The following CDH13 variants were observed in gnomAD, a reference collection of about 807,000 sequenced individuals.
CDH13 encodes the protein cadherin 13.
CDH13 carries 24 observed loss-of-function variants against 63.8 expected under a neutral mutation model. The ratio of observed to expected loss-of-function variants is 0.38; its 90% CI spans 0.27 to 0.53. The LOEUF is 0.53. Among genes scored for constraint, CDH13 ranks in the 20% least tolerant of loss-of-function variants. The pLI is 0.85. For missense variants in CDH13, 1,049 were observed against 903.1 expected (o/e 1.16, Z -2.07); for synonymous variants, 503 against 355.3 (o/e 1.42, Z -4.67).
Position 82,644,315 on chromosome 16 carries a change from C to G in CDH13, c.45+17178C>G, listed in dbSNP as rs968060819. Among the ~76,000 whole-genome samples the G allele has an allele frequency of 4.6e-5, 7 of 152,200 alleles. No homozygotes were observed. Among genetic ancestry groups the G allele is most frequent in the South Asian group, 4.2e-4 (2 of 4,812 alleles). On this transcript the variant is annotated intron_variant, in intron 1 of 13. Transcript: ENST00000567109. This position sits in a 1 kb window ranked among gnomAD's most constrained non-coding sequence, Gnocchi z 5.7. ...TCATCACTCTGCAAATCAAGGCCCCCCGAACTCCTCCCACCCCTGCCTTCT... is the reference window on the plus strand; with the variant it reads ...TCATCACTCTGCAAATCAAGGCCCCGCGAACTCCTCCCACCCCTGCCTTCT...
intron 1 of CDH13, among the ~76,000 whole-genome samples, chr16:82,733,391 C>G (rs539084386): frequency 6.6e-6 from 1 of 152,102 alleles, no homozygotes; most frequent in Non-Finnish European, 1.5e-5. Flanking sequence ...ATCAAATGAT[C>G]TATTGCGTGT....
chr16:83,709,484 G>A (rs1360414624), intron 10 of CDH13, among the ~76,000 whole-genome samples: 1 of 152,208 alleles, frequency 6.6e-6, no homozygotes, highest in African/African-American at 2.4e-5. Context: ...TGCACCATTT[G>A]AGAAACACGG....
At chr16:83,704,138 C>A (rs868742564) in intron 10 of CDH13, among the ~76,000 whole-genome samples, 1 of 152,128 alleles carries the variant, frequency 6.6e-6, no homozygotes, top group Non-Finnish European at 1.5e-5. Flanking sequence ...AAGTGGTTTC[C>A]CTTTTCACCT....
At chr16:82,686,000 A>G (rs1387778872) in intron 1 of CDH13, among the ~76,000 whole-genome samples, 1 of 152,202 alleles carries the variant, frequency 6.6e-6, no homozygotes, top group Non-Finnish European at 1.5e-5. Flanking sequence ...AGGAAAGAGT[A>G]CCATATTTCT....
chr16:83,167,441 A>C (rs1018104944), intron 4 of CDH13, among the ~76,000 whole-genome samples: 52 of 147,336 alleles, frequency 3.5e-4, no homozygotes, highest in African/African-American at 1.3e-3. Flanking sequence ...CAGAAGTTGC[A>C]GTGAGCTGAG....
At chr16:82,723,181 G>A (rs531461042) in intron 1 of CDH13, 4 of 152,342 alleles carry the variant, frequency 2.6e-5, no homozygotes, top group African/African-American at 9.6e-5. Context: ...CAGTTGGGTG[G>A]CTTGAGTTCC....
At chr16:82,864,721 C>G (rs1336289106) in intron 2 of CDH13, among the ~76,000 whole-genome samples, 2 of 152,138 alleles carry the variant, frequency 1.3e-5, no homozygotes, top group Admixed American at 1.3e-4. Flanking sequence ...TTATTCCGCC[C>G]CTGGTTCCTC....
intron 5 of CDH13, among the ~76,000 whole-genome samples, chr16:83,280,974 T>C (rs1380027898): frequency 6.6e-6 from 1 of 152,208 alleles, no homozygotes; most frequent in African/African-American, 2.4e-5. Context: ...TGTTATTCCA[T>C]TTATAGAGCA....
intron 8 of CDH13, among the ~76,000 whole-genome samples, chr16:83,666,047 G>T (rs896063090): frequency 6.6e-6 from 1 of 152,104 alleles, no homozygotes; most frequent in Non-Finnish European, 1.5e-5. Flanking sequence ...GTAAAAATAC[G>T]TTTTATATCT....
intron 1 of CDH13, among the ~76,000 whole-genome samples, chr16:82,680,981 A>G (rs1328016614): frequency 6.6e-6 from 1 of 152,242 alleles, no homozygotes; most frequent in Non-Finnish European, 1.5e-5. Context: ...AAGGGAGCCC[A>G]TAAAGAAGAC....
chr16:82,858,222 G>A, intron 1 of CDH13, 140 bp from the exon 2 acceptor site: 1 of 606,414 alleles, frequency 1.6e-6, no homozygotes, highest in South Asian at 2.1e-5. Flanking sequence ...GGCAGCCACT[G>A]GAGAAGTTTC....
chr16:83,702,468 AAG>A (rs1362759247), intron 10 of CDH13, among the ~76,000 whole-genome samples: 1 of 152,130 alleles, frequency 6.6e-6, no homozygotes, highest in Non-Finnish European at 1.5e-5. Flanking sequence ...GTGGAAGGGA[AAG>A]AGAGAGCAAG....
At chr16:82,932,547 T>C (rs1385851733) in intron 2 of CDH13, among the ~76,000 whole-genome samples, 1 of 152,176 alleles carries the variant, frequency 6.6e-6, no homozygotes, top group Non-Finnish European at 1.5e-5. Flanking sequence ...AACTTGTGGA[T>C]AGAGTGGAAA....
intron 7 of CDH13, among the ~76,000 whole-genome samples, chr16:83,492,005 A>G (rs2074024862): frequency 6.6e-6 from 1 of 152,196 alleles, no homozygotes; most frequent in Non-Finnish European, 1.5e-5. Flanking sequence ...GTCAGAGAAG[A>G]AAACTGAAGA....
intron 11 of CDH13, among the ~76,000 whole-genome samples, chr16:83,748,977 G>A (rs1297160876): frequency 6.6e-6 from 1 of 152,178 alleles, no homozygotes; most frequent in African/African-American, 2.4e-5. Context: ...CTGGACCAGA[G>A]ACTAGGAGGG....
chr16:83,351,141 C>G (rs1038390376), intron 6 of CDH13, among the ~76,000 whole-genome samples: 9 of 152,114 alleles, frequency 5.9e-5, no homozygotes, highest in East Asian at 1.9e-4. Context: ...GTTGCAGTAA[C>G]TGTGATGTGG....
chr16:82,905,629 T>A (rs2041619584), intron 2 of CDH13, among the ~76,000 whole-genome samples: 1 of 152,200 alleles, frequency 6.6e-6, no homozygotes, highest in African/African-American at 2.4e-5. Context: ...ACAAGTAAGT[T>A]TAAATTTTCT....
chr16:82,768,443 A>C (rs1229981400), intron 1 of CDH13, among the ~76,000 whole-genome samples: 2 of 152,190 alleles, frequency 1.3e-5, no homozygotes, highest in Non-Finnish European at 2.9e-5. Context: ...GGCCTTCCCA[A>C]GGAAATGGAG....
intron 6 of CDH13, among the ~76,000 whole-genome samples, chr16:83,353,685 A>G (rs1276168930): frequency 6.6e-6 from 1 of 152,170 alleles, no homozygotes; most frequent in Non-Finnish European, 1.5e-5. Context: ...GTTTCCTGAA[A>G]CACTCTCCTC....
Sources: allele counts gnomAD v4.1 joint callset (sites outside exome capture counted in the v4.1 genomes callset), GRCh38; gene constraint gnomAD v4.1.1; non-coding constraint Gnocchi (gnomAD v3.1); transcripts MANE v1.5; gene names NCBI Gene and HGNC (gene_info 2026-07-23, HGNC 2026-07-21).